PLAG1: variants seen among roughly 807,000 people sequenced by gnomAD.
The protein encoded by PLAG1 is zinc finger protein PLAG1.
In PLAG1, 7 loss-of-function variants were observed where a neutral mutation model predicts 35.5. The ratio of observed to expected loss-of-function variants is 0.20; its 90% CI spans 0.11 to 0.37. PLAG1 has a LOEUF of 0.37. PLAG1 is among the 10% of genes least tolerant of loss of function. The pLI, the probability that PLAG1 is intolerant of heterozygous loss-of-function variation, is 1.00. For synonymous variants in PLAG1, 229 were observed against 225.4 expected (o/e 1.02, Z -0.14); for missense variants, 454 against 602.8 (o/e 0.75, Z 2.58).
At chr8:56,205,882 T>A (rs991975788) in intron 1 of PLAG1, among the ~76,000 whole-genome samples, 6 of 151,980 alleles carry the variant, frequency 3.9e-5, no homozygotes, top group African/African-American at 1.4e-4. Flanking sequence ...GCACACACAT[T>A]TTTTAGGTAG....
At chr8:56,180,400 C>T (rs1423040793) in intron 1 of PLAG1, among the ~76,000 whole-genome samples, 8 of 152,198 alleles carry the variant, frequency 5.3e-5, no homozygotes, top group Non-Finnish European at 7.3e-5. Flanking sequence ...ATCCCTGTTC[C>T]GTAGGAGCAC....
Position 56,164,489 on chromosome 8 carries a change from G to A in PLAG1, c.*1754C>T. On this transcript the variant is annotated 3_prime_UTR_variant, in exon 5 of 5. Transcript: ENST00000316981. ...CTTGGTAAACATTGCAATCTGCAGTGATAACTGGCCCTACAAAAAGGAAAG... is the reference window on the plus strand; with the variant it reads ...CTTGGTAAACATTGCAATCTGCAGTAATAACTGGCCCTACAAAAAGGAAAG... 1 of 223,518 alleles carries A rather than the reference G, an allele frequency of 4.5e-6. No homozygotes were observed. Among genetic ancestry groups the A allele is most frequent in the East Asian group, 6.5e-5 (1 of 15,442 alleles). The allele number at this position is 223,518 out of a possible 1,614,324, so 13.8% of individuals were successfully genotyped here.
intron 1 of PLAG1, among the ~76,000 whole-genome samples, chr8:56,195,025 A>C (rs1812317454): frequency 6.6e-6 from 1 of 152,148 alleles, no homozygotes; most frequent in African/African-American, 2.4e-5. Flanking sequence ...CTGAGGGTGC[A>C]TATCTGACAG....
intron 1 of PLAG1, among the ~76,000 whole-genome samples, chr8:56,189,459 A>T (rs192046266): frequency 6.6e-6 from 1 of 152,190 alleles, no homozygotes; most frequent in Admixed American, 6.5e-5. Context: ...TAAGGGATAT[A>T]AGAACAAACT....
At chr8:56,191,291 ATG>A (rs949602256) in intron 1 of PLAG1, among the ~76,000 whole-genome samples, 1 of 152,148 alleles carries the variant, frequency 6.6e-6, no homozygotes, top group Admixed American at 6.6e-5. Context: ...AGCAGGGAGT[ATG>A]TGAGACCTGA....
Position 56,166,639 on chromosome 8 carries a change from A to T in PLAG1, c.1107T>A (p.Ser369=), listed in dbSNP as rs1811363028. The T allele has an allele frequency of 6.2e-7, 1 of 1,614,108 alleles. No individual in the cohort carries two copies. The highest frequency in any genetic ancestry group is 8.5e-7 in the Non-Finnish European group (1 of 1,180,010). The change falls in exon 5 of 5, where the codon TCT becomes TCA. Residue 369 remains serine (S), a synonymous_variant. Coordinates refer to ENST00000316981, the MANE Select transcript of PLAG1 (RefSeq NM_002655.3). ...ACGATGCTTGAGAATCTTGGGATGAAGAGGGCACGCCACCTTGTAACTCCA... is the reference window on the plus strand; with the variant it reads ...ACGATGCTTGAGAATCTTGGGATGATGAGGGCACGCCACCTTGTAACTCCA... ...YLMELQGGVP[S]SSQDSQASSS...
chr8:56,209,619 T>C (rs1307009453), intron 1 of PLAG1: 1 of 152,302 alleles, frequency 6.6e-6, no homozygotes, highest in Non-Finnish European at 1.5e-5. Flanking sequence ...GACATCATCC[T>C]TTTATACACA....
Position 56,164,661 on chromosome 8 carries a change from A to G in PLAG1, c.*1582T>C, listed in dbSNP as rs182635843. 5.4e-5 allele frequency: 12 copies of G among 222,048 alleles called. No individual in the cohort carries two copies. The East Asian group carries it at 7.9e-4, about 15-fold the overall frequency. The allele number at this position is 222,048 out of a possible 1,614,324, so 13.8% of individuals were successfully genotyped here. A position where few individuals can be genotyped will look rare whatever the true frequency, so the allele number is the denominator to read the frequency against. ...AAAATAAGGTGTTAACAAGTGCTTA[A>G]TAGATATGTTTCTTAGGTTAATGTC... On this transcript the variant is annotated 3_prime_UTR_variant, in exon 5 of 5. Coordinates refer to ENST00000316981, the MANE Select transcript of PLAG1 (RefSeq NM_002655.3).
At chr8:56,197,385 C>T (rs1286225622) in intron 1 of PLAG1, among the ~76,000 whole-genome samples, 1 of 152,232 alleles carries the variant, frequency 6.6e-6, no homozygotes, top group South Asian at 2.1e-4. Flanking sequence ...CTCCCCCAGT[C>T]CAGGTGTCCT....
intron 1 of PLAG1, among the ~76,000 whole-genome samples, chr8:56,192,203 G>A (rs1446548265): frequency 1.3e-5 from 2 of 152,206 alleles, no homozygotes; most frequent in Non-Finnish European, 2.9e-5. Context: ...GTCTTCCCTG[G>A]AGGTCAAAGC....
intron 1 of PLAG1, among the ~76,000 whole-genome samples, chr8:56,196,476 C>T (rs912822517): frequency 6.6e-6 from 1 of 152,040 alleles, no homozygotes; most frequent in Non-Finnish European, 1.5e-5. Context: ...ATATGGGTGA[C>T]CTGAGGAGGA....
At chr8:56,171,743 T>C (rs1220433319) in intron 2 of PLAG1, among the ~76,000 whole-genome samples, 1 of 152,204 alleles carries the variant, frequency 6.6e-6, no homozygotes, top group East Asian at 1.9e-4. Flanking sequence ...GGTTGAAATG[T>C]AGCAACAACT....
intron 1 of PLAG1, among the ~76,000 whole-genome samples, chr8:56,182,143 A>G (rs564764155): frequency 5.9e-5 from 9 of 152,362 alleles, no homozygotes; most frequent in African/African-American, 1.9e-4. Context: ...AGCACTGAGA[A>G]CAGCAAATGC....
intron 2 of PLAG1, chr8:56,177,920 T>C (rs1213940081): frequency 1.9e-5 from 6 of 316,398 alleles, no homozygotes; most frequent in Non-Finnish European, 2.7e-5. Context: ...AGGCGTCACC[T>C]GCTTCGGCAG....
In PLAG1 at chr8:56,167,230, A is replaced by G; in HGVS notation, c.516T>C (p.His172=). Residue 172 remains histidine (H), a synonymous_variant, in exon 5 of 5, where the codon CAT becomes CAC. Coordinates refer to ENST00000316981, the MANE Select transcript of PLAG1 (RefSeq NM_002655.3). The surrounding 1 kb of genome is among the most constrained non-coding windows in gnomAD (Gnocchi z 5.9). ...TGVLLEHLKS[H]AGKSSGGVKE... Reference sequence around the variant, plus strand: ...TAACCCCACCAGACGACTTGCCTGCATGAGATTTAAGGTGCTCCAGAAGCA... The same window carrying G: ...TAACCCCACCAGACGACTTGCCTGCGTGAGATTTAAGGTGCTCCAGAAGCA... The G allele has an allele frequency of 6.2e-7, 1 of 1,614,124 alleles. No homozygotes were observed. The highest frequency in any genetic ancestry group is 8.5e-7 in the Non-Finnish European group (1 of 1,180,014).
chr8:56,174,733 G>GAC (rs1216494868), intron 2 of PLAG1, among the ~76,000 whole-genome samples: 1 of 152,164 alleles, frequency 6.6e-6, no homozygotes, highest in Non-Finnish European at 1.5e-5. Context: ...TGCATCCATG[G>GAC]ACTCAGCCAA....
rs1335043298 is a variant in PLAG1, at chr8:56,164,351, A to ATG, written c.*1891_*1892insCA. 4.6e-6 allele frequency: 1 copy of ATG among 218,106 alleles called. No individual in the cohort carries two copies. Among genetic ancestry groups the ATG allele is most frequent in the Non-Finnish European group, 9.2e-6 (1 of 108,308 alleles). 13.5% of individuals were successfully genotyped at this position (218,106 alleles called of 1,614,324 possible). ...GTGTGTGTGTGTATTATATATATAT[A>ATG]TTGAAGCCCCCATTTACATTATTAC... is the stretch of plus-strand genomic sequence containing the variant. On this transcript the variant is annotated 3_prime_UTR_variant, in exon 5 of 5. Transcript: ENST00000316981.
At chr8:56,190,286 G>C (rs1043662774) in intron 1 of PLAG1, among the ~76,000 whole-genome samples, 2 of 152,140 alleles carry the variant, frequency 1.3e-5, no homozygotes, top group Admixed American at 1.3e-4. Flanking sequence ...GCACGGAGAG[G>C]GGAAAGGAGG....
intron 2 of PLAG1, chr8:56,178,137 A>G: frequency 7.6e-6 from 2 of 264,436 alleles, no homozygotes; most frequent in Non-Finnish European, 1.2e-5. Context: ...GGAAGGAAAA[A>G]GGAACAAAGT....
Sources: gnomAD v4.1 joint callset for allele counts (sites outside exome capture counted in the v4.1 genomes callset) on GRCh38, gnomAD v4.1.1 for gene constraint, Gnocchi (gnomAD v3.1) non-coding constraint, MANE v1.5 for transcripts, NCBI Gene and HGNC (gene_info 2026-07-23, HGNC 2026-07-21) for gene names.